Variants in DLG2 observed in about 807,000 individuals in gnomAD.
The protein encoded by DLG2 is discs large MAGUK scaffold protein 2.
DLG2 carries 45 observed loss-of-function variants against 132.5 expected under a neutral mutation model. The observed-to-expected ratio is 0.34, with a 90% confidence interval of 0.27 to 0.44. The LOEUF (loss-of-function observed/expected upper bound fraction) is 0.44. Ranked by LOEUF, DLG2 falls within the 20% of genes least tolerant of loss-of-function variation. The pLI, the probability that DLG2 is intolerant of heterozygous loss-of-function variation, is 1.00. For missense variants in DLG2, 1,045 were observed against 1,196.9 expected, an observed-to-expected ratio of 0.87 and a Z score of 1.87; for synonymous variants, 424 against 419.6, an observed-to-expected ratio of 1.01 and a Z score of -0.13.
chr11:83,691,916 C>T (rs1261025054), intron 18 of DLG2: 5 of 152,200 alleles, frequency 3.3e-5, no homozygotes, highest in Non-Finnish European at 7.3e-5. Flanking sequence ...AGGACAACTA[C>T]ACTGGCAGGA....
At position 84,873,884 on chromosome 11, in the gene DLG2, T is replaced by C. The variant is rs549592565; in HGVS notation, c.357+237777A>G. Reference sequence around the variant, plus strand: ...CAACTGGAAACTGAAAGATGACTAATGGTCTAATGACAGTCCACAAGATAT... The same window carrying C: ...CAACTGGAAACTGAAAGATGACTAACGGTCTAATGACAGTCCACAAGATAT... On this transcript the variant is annotated intron_variant, in intron 6 of 27. Transcript: ENST00000376104. Among the ~76,000 whole-genome samples, 253 of 152,350 alleles carry C rather than the reference T, an allele frequency of 1.7e-3. 2 individuals carry two copies. In the Middle Eastern group the frequency reaches 0.027, roughly 16 times the overall value.
intron 3 of DLG2, among the ~76,000 whole-genome samples, chr11:85,343,190 T>C (rs1049476857): frequency 3.3e-5 from 5 of 152,370 alleles, no homozygotes; most frequent in Middle Eastern, 3.4e-3. Context: ...TGCATTTGGT[T>C]ATAATATCCA....
intron 3 of DLG2, among the ~76,000 whole-genome samples, chr11:85,317,389 C>A (rs566682045): frequency 3.6e-4 from 54 of 151,910 alleles, no homozygotes; most frequent in African/African-American, 1.3e-3. Context: ...AAGGCAGCCT[C>A]ATGATATAAT....
chr11:84,354,018 G>T (rs1218776414), intron 7 of DLG2, among the ~76,000 whole-genome samples: 1 of 152,118 alleles, frequency 6.6e-6, no homozygotes, highest in Non-Finnish European at 1.5e-5. Flanking sequence ...TAACCTCTAG[G>T]AGGACAGAGG....
intron 24 of DLG2, among the ~76,000 whole-genome samples, chr11:83,469,874 T>A (rs2091787619): frequency 6.6e-6 from 1 of 152,108 alleles, no homozygotes; most frequent in African/African-American, 2.4e-5. Flanking sequence ...AAACTTAACA[T>A]TCTATAAAGG....
At chr11:85,314,551 T>C (rs2080525228) in intron 3 of DLG2, among the ~76,000 whole-genome samples, 1 of 151,956 alleles carries the variant, frequency 6.6e-6, no homozygotes, top group Non-Finnish European at 1.5e-5. Flanking sequence ...TGGTGTGTCT[T>C]AGCTCCAGTG....
chr11:84,877,777 G>A (rs894519856), intron 6 of DLG2, among the ~76,000 whole-genome samples: 4 of 152,140 alleles, frequency 2.6e-5, no homozygotes, highest in African/African-American at 9.6e-5. Context: ...GAGTGAACAG[G>A]CAACCTACAG....
At chr11:83,563,491 T>C (rs1417695631) in intron 19 of DLG2, among the ~76,000 whole-genome samples, 1 of 152,226 alleles carries the variant, frequency 6.6e-6, no homozygotes, top group Non-Finnish European at 1.5e-5. Context: ...TTACCTGCTC[T>C]CTATATTCTA....
chr11:83,655,515 C>T (rs1425281937), intron 18 of DLG2, among the ~76,000 whole-genome samples: 1 of 152,130 alleles, frequency 6.6e-6, no homozygotes, highest in African/African-American at 2.4e-5. Flanking sequence ...TGGATTAATC[C>T]CATTTCCTGC....
chr11:85,128,515 C>G (rs1327600815), intron 5 of DLG2, among the ~76,000 whole-genome samples: 1 of 152,066 alleles, frequency 6.6e-6, no homozygotes, highest in Non-Finnish European at 1.5e-5. Context: ...ATATCAAATC[C>G]TTTATGTTAT....
chr11:84,767,167 G>T (rs942923765), intron 6 of DLG2, among the ~76,000 whole-genome samples: 6 of 152,020 alleles, frequency 3.9e-5, no homozygotes, highest in Non-Finnish European at 7.4e-5. Flanking sequence ...AGCACAAAGT[G>T]TAATAATACA....
chr11:83,531,306 T>A (rs1352361121), intron 21 of DLG2, among the ~76,000 whole-genome samples: 2 of 151,994 alleles, frequency 1.3e-5, no homozygotes, highest in African/African-American at 4.8e-5. Context: ...CTTCTGCAAC[T>A]CAACAATAAC....
chr11:85,507,705 G>A (rs1321898184), intron 3 of DLG2, among the ~76,000 whole-genome samples: 1 of 152,050 alleles, frequency 6.6e-6, no homozygotes, highest in Admixed American at 6.6e-5. Flanking sequence ...TCTTCTCAAG[G>A]AGTATCTTTG....
intron 7 of DLG2, among the ~76,000 whole-genome samples, chr11:84,276,229 G>A (rs2097782012): frequency 6.6e-6 from 1 of 152,160 alleles, no homozygotes; most frequent in African/African-American, 2.4e-5. Context: ...ATTCCTCACT[G>A]TTTGAAATAG....
At chr11:84,935,987 A>G (rs7935003) in intron 6 of DLG2, among the ~76,000 whole-genome samples, 55,504 of 152,126 alleles carry the variant, frequency 0.36, 10,847 homozygotes, top group East Asian at 0.67. Flanking sequence ...CTAGTTACTT[A>G]TTCAGTTAAT....
intron 7 of DLG2, among the ~76,000 whole-genome samples, chr11:84,488,777 G>T (rs151225789): frequency 1.9e-3 from 289 of 152,196 alleles, no homozygotes; most frequent in African/African-American, 6.3e-3. Flanking sequence ...ATTTTCAAAA[G>T]ACCTGGTAAA....
intron 18 of DLG2, among the ~76,000 whole-genome samples, chr11:83,773,709 C>A (rs769453914): frequency 2.0e-5 from 3 of 152,118 alleles, no homozygotes; most frequent in Non-Finnish European, 4.4e-5. Flanking sequence ...ACCCATAGTT[C>A]GAAGAGAAAC....
rs2076000485 is a variant in DLG2, at chr11:85,134,460, C to T, written c.282+20096G>A. 3.9e-5 allele frequency among the ~76,000 whole-genome samples: 5 copies of T among 129,276 alleles called. No homozygotes were observed. In the South Asian group the frequency reaches 1.3e-3, roughly 33 times the overall value. The allele number at this position is 129,276 out of a possible 152,430, so 84.8% of individuals were successfully genotyped here. A position where few individuals can be genotyped will look rare whatever the true frequency, so the allele number is the denominator to read the frequency against. On this transcript the variant is annotated intron_variant, in intron 5 of 27. Coordinates refer to ENST00000376104, the MANE Select transcript of DLG2 (RefSeq NM_001142699.3). Reference sequence around the variant, plus strand: ...AGGAGAATGGCGTGAACCCGGGAGGCGGAGCTTGCAGTGAGCCGAGATCCC... The same window carrying T: ...AGGAGAATGGCGTGAACCCGGGAGGTGGAGCTTGCAGTGAGCCGAGATCCC...
At chr11:84,874,945 G>A (rs780412318) in intron 6 of DLG2, among the ~76,000 whole-genome samples, 6 of 151,264 alleles carry the variant, frequency 4.0e-5, no homozygotes, top group Non-Finnish European at 5.9e-5. Context: ...TGCTTGAACC[G>A]GGAGGTGGAC....
Sources: allele counts gnomAD v4.1 joint callset (sites outside exome capture counted in the v4.1 genomes callset), GRCh38; gene constraint gnomAD v4.1.1; transcripts MANE v1.5; gene names NCBI Gene and HGNC (gene_info 2026-07-23, HGNC 2026-07-21).